Variants in ETFA observed in about 807,000 individuals in gnomAD.
The protein encoded by ETFA is electron transfer flavoprotein subunit alpha.
Under a neutral mutation model 46.2 loss-of-function variants are expected in ETFA, and 22 were observed. That is an observed-to-expected ratio of 0.48 (90% confidence interval 0.34 to 0.68). ETFA has a LOEUF of 0.68. Among genes scored for constraint, ETFA ranks in the 30% least tolerant of loss-of-function variants. The probability of loss-of-function intolerance (pLI) is 0.01; values close to 1 mark genes in which losing one functional copy is unlikely to be tolerated. For synonymous variants in ETFA, 131 were observed against 139.9 expected (o/e 0.94, Z 0.45); for missense variants, 345 against 401.1 (o/e 0.86, Z 1.19).
intron 1 of ETFA, among the ~76,000 whole-genome samples, chr15:76,310,461 T>C (rs2039985979): frequency 6.6e-6 from 1 of 150,646 alleles, no homozygotes; most frequent in South Asian, 2.1e-4. Flanking sequence ...TCATTTCACC[T>C]AAATGTAAAC....
chr15:76,235,738 GTC>G (rs1234597159), intron 9 of ETFA, among the ~76,000 whole-genome samples: 3 of 152,162 alleles, frequency 2.0e-5, no homozygotes, highest in Non-Finnish European at 4.4e-5. Context: ...TAGAGCTACA[GTC>G]TCTCATCAGC....
Position 76,231,279 on chromosome 15 carries a change from C to A in ETFA, c.882+54G>T, listed in dbSNP as rs76403342. 11,885 of 1,137,312 alleles carry A rather than the reference C, an allele frequency of 0.01. 619 individuals carry two copies. The African/African-American group carries it at 0.13, about 13-fold the overall frequency. 70.5% of individuals were successfully genotyped at this position (1,137,312 alleles called of 1,614,324 possible). On this transcript the variant is annotated intron_variant, in intron 10 of 11. Coordinates refer to ENST00000557943, the MANE Select transcript of ETFA (RefSeq NM_000126.4). ...ACTACATGGAAACATACAAGGTAAG[C>A]CAAATCCTAAAATGTGGAAACGTTT...
chr15:76,256,925 T>C (rs1479979074), intron 9 of ETFA, among the ~76,000 whole-genome samples: 2 of 152,226 alleles, frequency 1.3e-5, no homozygotes, highest in African/African-American at 4.8e-5. Flanking sequence ...GGCTACCCCA[T>C]ATAGCCTAGG....
rs540911143 is a variant in ETFA, at chr15:76,288,953, C to T, written c.352-1008G>A. Among the ~76,000 whole-genome samples the T allele has an allele frequency of 1.0e-4, 12 of 116,154 alleles. No individual in the cohort carries two copies. In the South Asian group the frequency reaches 3.4e-3, roughly 33 times the overall value. 76.2% of individuals were successfully genotyped at this position (116,154 alleles called of 152,430 possible). A position where few individuals can be genotyped will look rare whatever the true frequency, so the allele number is the denominator to read the frequency against. On this transcript the variant is annotated intron_variant, in intron 4 of 11. Transcript: ENST00000557943. ...TTTTTTTTGGAAACAGGGTCTCATT[C>T]TGTTACCCAGGCTGAACTTGCAGTG...
chr15:76,260,610 T>C (rs951452137), intron 9 of ETFA: 157 of 1,516,572 alleles, frequency 1.0e-4, no homozygotes, highest in African/African-American at 2.4e-4. Flanking sequence ...CTGGGTTCCA[T>C]TGTCTTAAAC....
Position 76,216,617 on chromosome 15 carries a change from G to C in ETFA, c.964-20C>G, listed in dbSNP as rs570818940. On this transcript the variant is annotated intron_variant, in intron 11 of 11. Coordinates refer to ENST00000557943, the MANE Select transcript of ETFA (RefSeq NM_000126.4). ...AACTACCTGCAAATAAAAACAAAAAGTAATTAAGCAACTAGAGCCTTCACT... is the reference window on the plus strand; with the variant it reads ...AACTACCTGCAAATAAAAACAAAAACTAATTAAGCAACTAGAGCCTTCACT... The C allele has an allele frequency of 2.2e-4, 331 of 1,524,894 alleles. 1 individual carries two copies. The South Asian group carries it at 3.2e-3, about 15-fold the overall frequency. The allele number at this position is 1,524,894 out of a possible 1,614,324, so 94.5% of individuals were successfully genotyped here. A position where few individuals can be genotyped will look rare whatever the true frequency, so the allele number is the denominator to read the frequency against.
At position 76,285,718 on chromosome 15, in the gene ETFA, C is replaced by T; in HGVS notation, c.583G>A (p.Glu195Lys). Residue 195 changes from glutamate (E) to lysine (K), a missense_variant, in exon 7 of 12, where the codon GAA becomes AAA. Physicochemically the swap from Glu to Lys is moderately conservative, Grantham distance 56. Transcript: ENST00000557943. ...TTCTGGTCAAGCCACTCTGATATTTCCACTGGTGAAGTACTTGATGCTGCA... is the reference window on the plus strand; with the variant it reads ...TTCTGGTCAAGCCACTCTGATATTTTCACTGGTGAAGTACTTGATGCTGCA... ...SEKASSTSPVEISEWLDQKLT... is the reference protein window; with the variant it reads ...SEKASSTSPVKISEWLDQKLT... 2 of 1,607,986 alleles carry T rather than the reference C, an allele frequency of 1.2e-6. No homozygotes were observed. The highest frequency in any genetic ancestry group is 1.7e-6 in the Non-Finnish European group (2 of 1,174,536).
At chr15:76,240,451 A>G (rs1273387717) in intron 9 of ETFA, among the ~76,000 whole-genome samples, 1 of 152,204 alleles carries the variant, frequency 6.6e-6, no homozygotes, top group Admixed American at 6.5e-5. Context: ...ATCTAGTCTA[A>G]TATGTCCAGA....
At chr15:76,246,110 T>C (rs937682289) in intron 9 of ETFA, among the ~76,000 whole-genome samples, 2 of 152,252 alleles carry the variant, frequency 1.3e-5, no homozygotes, top group Non-Finnish European at 1.5e-5. Flanking sequence ...GCACTTACTA[T>C]ATACCAGGCA....
chr15:76,216,700 C>T (rs1452609147), intron 11 of ETFA, 103 bp from the exon 12 acceptor site: 3 of 806,062 alleles, frequency 3.7e-6, no homozygotes, highest in African/African-American at 1.7e-5. Flanking sequence ...CAACACAAAT[C>T]ACTGTTGAGG....
intron 9 of ETFA, among the ~76,000 whole-genome samples, chr15:76,248,011 G>C (rs1001177393): frequency 1.3e-5 from 2 of 152,182 alleles, no homozygotes; most frequent in Admixed American, 1.3e-4. Context: ...TCTGGATAAT[G>C]AGTTATACCT....
At chr15:76,276,704 G>C (rs1163109985) in intron 8 of ETFA, among the ~76,000 whole-genome samples, 1 of 151,952 alleles carries the variant, frequency 6.6e-6, no homozygotes, top group Non-Finnish European at 1.5e-5. Context: ...ATATCCTAAA[G>C]CTCAGAGATT....
In ETFA at chr15:76,260,234, G is replaced by A. The variant is rs184421393; in HGVS notation, c.816+14178C>T. ...TGCCCAAGCTTTCCAATGTGGCCTC[G>A]ATGCACTTGGGCCTTTCTTGATTGA... On this transcript the variant is annotated intron_variant, in intron 9 of 11. Transcript: ENST00000557943. 2,329 of 1,237,720 alleles carry A rather than the reference G, an allele frequency of 1.9e-3. 1 individual carries two copies. The highest frequency in any genetic ancestry group is 2.5e-3 in the Non-Finnish European group (2,112 of 838,098). The allele number at this position is 1,237,720 out of a possible 1,614,324, so 76.7% of individuals were successfully genotyped here.
chr15:76,298,948 A>G (rs1460877897), intron 1 of ETFA, among the ~76,000 whole-genome samples: 1 of 152,376 alleles, frequency 6.6e-6, no homozygotes, highest in Middle Eastern at 3.4e-3. Flanking sequence ...TAAAGGAAAC[A>G]AATTTTCATT....
intron 9 of ETFA, among the ~76,000 whole-genome samples, chr15:76,270,453 G>A (rs770282497): frequency 5.3e-5 from 8 of 152,196 alleles, no homozygotes; most frequent in Non-Finnish European, 7.3e-5. Flanking sequence ...GTTTGTATAT[G>A]CAGGTAAATA....
intron 9 of ETFA, among the ~76,000 whole-genome samples, chr15:76,238,833 A>G (rs2039153847): frequency 6.6e-6 from 1 of 152,150 alleles, no homozygotes; most frequent in South Asian, 2.1e-4. Flanking sequence ...GAGGCCCCAA[A>G]ACTCAAAGCA....
At chr15:76,272,632 A>G (rs1221054681) in intron 9 of ETFA, among the ~76,000 whole-genome samples, 1 of 151,982 alleles carries the variant, frequency 6.6e-6, no homozygotes, top group African/African-American at 2.4e-5. Context: ...TCCACAAATA[A>G]TGTGTGTGCC....
intron 9 of ETFA, among the ~76,000 whole-genome samples, chr15:76,251,803 C>G (rs1007073552): frequency 6.6e-6 from 1 of 152,170 alleles, no homozygotes; most frequent in Admixed American, 6.5e-5. Flanking sequence ...ACAGCAGATA[C>G]GAAATCACAT....
chr15:76,259,322 A>G, intron 9 of ETFA: 2 of 1,596,114 alleles, frequency 1.3e-6, no homozygotes, highest in South Asian at 2.2e-5. Flanking sequence ...GCAGACAAGT[A>G]AAGCTTGGGC....
Sources: allele counts gnomAD v4.1 joint callset (sites outside exome capture counted in the v4.1 genomes callset), GRCh38; gene constraint gnomAD v4.1.1; transcripts MANE v1.5; gene names NCBI Gene and HGNC (gene_info 2026-07-23, HGNC 2026-07-21).